Variants in PRELID2 observed in about 807,000 individuals in gnomAD.
PRELID2 encodes the protein PRELI domain containing 2, also known as PRELI domain-containing protein 2.
In PRELID2, 25 loss-of-function variants were observed where a neutral mutation model predicts 28.4. The observed-to-expected ratio is 0.88, with a 90% confidence interval of 0.64 to 1.23. The LOEUF is 1.23. Ranked by LOEUF, PRELID2 falls within the 50% of genes most tolerant of loss-of-function variation. The pLI, the probability that PRELID2 is intolerant of heterozygous loss-of-function variation, is 0.00. For missense variants in PRELID2, 201 were observed against 214.4 expected (o/e 0.94, Z 0.39); for synonymous variants, 76 against 71.6 (o/e 1.06, Z -0.31).
the PRELID2 span, among the ~76,000 whole-genome samples, chr5:145,324,773 A>G: frequency 5.3e-5 from 8 of 152,224 alleles, no homozygotes; most frequent in Admixed American, 4.6e-4. Context: ...ATTTATTTAT[A>G]TCAGCCCATT....
chr5:145,568,437 T>C (rs1462037930), intron 1 of PRELID2, among the ~76,000 whole-genome samples: 1 of 152,216 alleles, frequency 6.6e-6, no homozygotes, highest in Non-Finnish European at 1.5e-5. Context: ...TCAATAAGAA[T>C]CCTTTTTTCT....
chr5:145,273,345 C>T, the PRELID2 span, among the ~76,000 whole-genome samples: 2 of 152,026 alleles, frequency 1.3e-5, no homozygotes, highest in African/African-American at 2.4e-5. Context: ...GTCTTAAGCA[C>T]GCCCAACCCT....
At chr5:145,737,346 A>C (rs1266395918) in intron 1 of PRELID2, among the ~76,000 whole-genome samples, 2 of 152,170 alleles carry the variant, frequency 1.3e-5, no homozygotes, top group African/African-American at 2.4e-5. Context: ...AGTGGAACTT[A>C]AATAGAGGAA....
chr5:145,389,330 T>C, the PRELID2 span, among the ~76,000 whole-genome samples: 1 of 152,044 alleles, frequency 6.6e-6, no homozygotes, highest in Non-Finnish European at 1.5e-5. Context: ...AATGCTGTAA[T>C]GTAACAGCCT....
intron 1 of PRELID2, among the ~76,000 whole-genome samples, chr5:145,535,649 G>A (rs993388758): frequency 1.3e-5 from 2 of 151,858 alleles, no homozygotes; most frequent in African/African-American, 2.4e-5. Flanking sequence ...AATGAGGCAC[G>A]TGTATAATTT....
At chr5:145,413,034 T>C in the PRELID2 span, among the ~76,000 whole-genome samples, 1 of 152,210 alleles carries the variant, frequency 6.6e-6, no homozygotes, top group South Asian at 2.1e-4. Flanking sequence ...TTGGGATTAT[T>C]ACAATTCAAG....
At chr5:145,722,680 G>A (rs1654144) in intron 1 of PRELID2, among the ~76,000 whole-genome samples, 27,983 of 151,784 alleles carry the variant, frequency 0.18, 2,999 homozygotes, top group African/African-American at 0.29. Flanking sequence ...TTGTATTTTT[G>A]TTAGAGACGG....
intron 1 of PRELID2, among the ~76,000 whole-genome samples, chr5:145,717,169 CCA>C (rs1398234473): frequency 6.6e-6 from 1 of 152,078 alleles, no homozygotes; most frequent in Non-Finnish European, 1.5e-5. Context: ...TTAAGGAAAG[CCA>C]CATACTATTT....
chr5:145,532,209 G>A (rs919789945), intron 1 of PRELID2, among the ~76,000 whole-genome samples: 1 of 151,996 alleles, frequency 6.6e-6, no homozygotes. Flanking sequence ...CCATTCATTA[G>A]GTGTGTGATT....
chr5:145,434,777 A>C, the PRELID2 span, among the ~76,000 whole-genome samples: 23 of 152,292 alleles, frequency 1.5e-4, no homozygotes, highest in African/African-American at 5.5e-4. Flanking sequence ...ATATAACCCT[A>C]GTCATTACAG....
intron 4 of PRELID2, among the ~76,000 whole-genome samples, chr5:145,812,964 C>T (rs74518342): frequency 0.015 from 2,312 of 152,248 alleles, 43 homozygotes; most frequent in African/African-American, 0.048. Flanking sequence ...GAAGATGCCA[C>T]GACTGTAGAG....
intron 2 of PRELID2, among the ~76,000 whole-genome samples, chr5:145,821,155 GTGTGT>G (rs1561649817): frequency 0.011 from 991 of 88,856 alleles, 24 homozygotes; most frequent in African/African-American, 0.034. Context: ...TCTCCTGGGT[GTGTGT>G]GTGTGTGTGT....
At chr5:145,607,389 A>G (rs1025187246) in intron 1 of PRELID2, among the ~76,000 whole-genome samples, 1 of 152,142 alleles carries the variant, frequency 6.6e-6, no homozygotes, top group African/African-American at 2.4e-5. Context: ...TTTTAGTGCC[A>G]TAAATTTGCT....
At chr5:145,774,530 G>A (rs1758293801) in intron 5 of PRELID2, among the ~76,000 whole-genome samples, 1 of 152,106 alleles carries the variant, frequency 6.6e-6, no homozygotes, top group Non-Finnish European at 1.5e-5. Flanking sequence ...TTTATATATG[G>A]ACTCTATCTG....
At chr5:145,672,501 G>GA (rs752045360) in intron 1 of PRELID2, among the ~76,000 whole-genome samples, 10,988 of 98,878 alleles carry the variant, frequency 0.11, 1,040 homozygotes, top group African/African-American at 0.24. Flanking sequence ...CGGAGCTTGT[G>GA]AAAAAAAAAA....
chr5:145,678,394 A>C (rs1013658494), intron 1 of PRELID2, among the ~76,000 whole-genome samples: 1 of 152,150 alleles, frequency 6.6e-6, no homozygotes, highest in Admixed American at 6.5e-5. Flanking sequence ...TAGTTTATTT[A>C]ACTTCCTTAT....
chr5:145,730,394 C>G (rs1756304352), intron 1 of PRELID2, among the ~76,000 whole-genome samples: 1 of 152,162 alleles, frequency 6.6e-6, no homozygotes, highest in Non-Finnish European at 1.5e-5. Flanking sequence ...ACAAGCAGCA[C>G]TAATAACTAG....
the PRELID2 span, among the ~76,000 whole-genome samples, chr5:145,396,071 G>C: frequency 6.6e-6 from 1 of 152,134 alleles, no homozygotes; most frequent in Non-Finnish European, 1.5e-5. Context: ...ACTTGGTTAA[G>C]TATATCAACC....
chr5:145,728,776 T>A, intron 1 of PRELID2: 2 of 1,233,550 alleles, frequency 1.6e-6, no homozygotes, highest in Non-Finnish European at 2.4e-6. Flanking sequence ...TTTGCACCAA[T>A]GTAGTAGGAG....
Sources: gnomAD v4.1 joint callset for allele counts (sites outside exome capture counted in the v4.1 genomes callset) on GRCh38, gnomAD v4.1.1 for gene constraint, MANE v1.5 for transcripts, NCBI Gene and HGNC (gene_info 2026-07-23, HGNC 2026-07-21) for gene names.